Variants in FAM240B observed in about 807,000 individuals in gnomAD.
FAM240B encodes the protein family with sequence similarity 240 member B.
intron 1 of FAM240B, among the ~76,000 whole-genome samples, chr9:38,710,038 C>T (rs1040764061): frequency 2.0e-5 from 3 of 152,144 alleles, no homozygotes; most frequent in Non-Finnish European, 4.4e-5. Context: ...GGCTCGATCT[C>T]GGCTCACTGC....
In FAM240B at chr9:38,694,406, C is replaced by T. The variant is rs956853222; in HGVS notation, c.*370G>A. ...AAATTTTCATCAAGGTCATTGCCCT[C>T]GGTAAGCTTAGAGAAAACACTTCAA... On this transcript the variant is annotated 3_prime_UTR_variant, in exon 3 of 3. Transcript: ENST00000637493. The T allele has an allele frequency of 1.2e-5, 2 of 167,806 alleles. No individual in the cohort carries two copies. Among genetic ancestry groups the T allele is most frequent in the Admixed American group, 1.3e-4 (2 of 15,738 alleles). The allele number at this position is 167,806 out of a possible 1,614,324, so 10.4% of individuals were successfully genotyped here.
intron 1 of FAM240B, among the ~76,000 whole-genome samples, chr9:38,708,468 G>A (rs1297931618): frequency 6.6e-6 from 1 of 152,134 alleles, no homozygotes; most frequent in Non-Finnish European, 1.5e-5. Flanking sequence ...TCCTGCCTGC[G>A]AAACACAGCT....
intron 2 of FAM240B, among the ~76,000 whole-genome samples, chr9:38,696,553 C>A (rs1821070925): frequency 6.6e-6 from 1 of 152,114 alleles, no homozygotes; most frequent in Admixed American, 6.6e-5. Flanking sequence ...GCAGTACCGT[C>A]AAGACATTCA....
intron 2 of FAM240B, among the ~76,000 whole-genome samples, chr9:38,702,703 C>T (rs10973984): frequency 6.6e-6 from 1 of 152,028 alleles, no homozygotes; most frequent in Non-Finnish European, 1.5e-5. Context: ...AACAAGTTCA[C>T]TTGCCAGTGA....
chr9:38,713,731 C>T (rs1314448994), intron 1 of FAM240B, among the ~76,000 whole-genome samples: 1 of 152,044 alleles, frequency 6.6e-6, no homozygotes, highest in Non-Finnish European at 1.5e-5. Context: ...GTCAACTTCT[C>T]TCATGTGATT....
At chr9:38,717,307 G>A (rs572127309) in intron 1 of FAM240B, among the ~76,000 whole-genome samples, 4 of 152,220 alleles carry the variant, frequency 2.6e-5, no homozygotes, top group Non-Finnish European at 4.4e-5. Flanking sequence ...TTGGCCGGGC[G>A]CAGTGGCTCA....
At chr9:38,703,694 G>A (rs6476732) in intron 2 of FAM240B, among the ~76,000 whole-genome samples, 163 bp downstream of exon 2, 2 of 152,020 alleles carry the variant, frequency 1.3e-5, no homozygotes, top group Admixed American at 1.3e-4. Flanking sequence ...ATGAGACCTC[G>A]CATTTCCTCC....
chr9:38,702,576 G>T (rs963238355), intron 2 of FAM240B, among the ~76,000 whole-genome samples: 1 of 152,198 alleles, frequency 6.6e-6, no homozygotes, highest in Non-Finnish European at 1.5e-5. Context: ...CTGCTCCAAG[G>T]CATTTGACGT....
chr9:38,706,190 G>A (rs1347214089), intron 1 of FAM240B, among the ~76,000 whole-genome samples: 2 of 151,036 alleles, frequency 1.3e-5, no homozygotes, highest in Non-Finnish European at 1.5e-5. Flanking sequence ...TTTGAAATGT[G>A]TACACATTGT....
At chr9:38,709,675 A>G (rs568933561) in intron 1 of FAM240B, among the ~76,000 whole-genome samples, 1 of 152,338 alleles carries the variant, frequency 6.6e-6, no homozygotes, top group African/African-American at 2.4e-5. Context: ...GTAGGGTTTT[A>G]TTGTCACAGA....
At chr9:38,719,243 C>A (rs950295886) in intron 1 of FAM240B, among the ~76,000 whole-genome samples, 1 of 150,504 alleles carries the variant, frequency 6.6e-6, no homozygotes, top group African/African-American at 2.4e-5. Flanking sequence ...TCTCTGCATC[C>A]CCCCCCACCC....
chr9:38,694,569 G>A lies in FAM240B; in HGVS notation c.*207C>T, dbSNP rs529065809. ...AGCCCAAGCGTCCTATCCCACTTGC[G>A]GTCATCCTGTCCTCTGTGCGGAGGG... On this transcript the variant is annotated 3_prime_UTR_variant, in exon 3 of 3. Transcript: ENST00000637493. 5 of 386,890 alleles carry A rather than the reference G, an allele frequency of 1.3e-5. No individual in the cohort carries two copies. Among genetic ancestry groups the A allele is most frequent in the African/African-American group, 6.2e-5 (3 of 48,472 alleles). The allele number at this position is 386,890 out of a possible 1,614,324, so 24.0% of individuals were successfully genotyped here. A position where few individuals can be genotyped will look rare whatever the true frequency, so the allele number is the denominator to read the frequency against.
chr9:38,711,280 C>A (rs1821252854), intron 1 of FAM240B, among the ~76,000 whole-genome samples: 2 of 152,228 alleles, frequency 1.3e-5, no homozygotes, highest in Non-Finnish European at 1.5e-5. Context: ...GTTTGTTTAG[C>A]CCCCTCACAT....
chr9:38,705,131 T>C (rs2119004989), intron 1 of FAM240B, among the ~76,000 whole-genome samples: 1 of 152,374 alleles, frequency 6.6e-6, no homozygotes, highest in Non-Finnish European at 1.5e-5. Flanking sequence ...GATCCCTCCC[T>C]GCCTGCTGGC....
rs143503127 is a variant in FAM240B at position 38,707,485 on chromosome 9, T to G, written c.-3-3483A>C. Among the ~76,000 whole-genome samples the G allele has an allele frequency of 2.3e-3, 349 of 151,892 alleles. 1 individual carries two copies. The highest frequency in any genetic ancestry group is 7.9e-3 in the African/African-American group (328 of 41,422). On this transcript the variant is annotated intron_variant, in intron 1 of 2. Coordinates refer to ENST00000637493, the MANE Select transcript of FAM240B (RefSeq NM_001394922.1). ...GGAGTAAATTAATTCAGGGTGAACCTGGGCCAGACGTGGTGGCTCACACCT... is the reference window on the plus strand; with the variant it reads ...GGAGTAAATTAATTCAGGGTGAACCGGGGCCAGACGTGGTGGCTCACACCT...
intron 1 of FAM240B, among the ~76,000 whole-genome samples, chr9:38,708,652 G>A (rs895562498): frequency 2.0e-5 from 3 of 152,088 alleles, no homozygotes; most frequent in Admixed American, 1.3e-4. Context: ...ATACAGGAAA[G>A]TGCCCCCAAC....
At chr9:38,699,703 G>T (rs1045150351) in intron 2 of FAM240B, among the ~76,000 whole-genome samples, 3 of 152,144 alleles carry the variant, frequency 2.0e-5, no homozygotes, top group Admixed American at 6.5e-5. Context: ...GAAAGGGAGC[G>T]GCCGGCACTA....
Position 38,694,592 on chromosome 9 carries a change from G to A in FAM240B, c.*184C>T, listed in dbSNP as rs1270852858. ...GCGGTCATCCTGTCCTCTGTGCGGA[G>A]GGGATTGAGCAGGATAATAACTCCC... On this transcript the variant is annotated 3_prime_UTR_variant, in exon 3 of 3. Coordinates refer to ENST00000637493, the MANE Select transcript of FAM240B (RefSeq NM_001394922.1). The A allele has an allele frequency of 1.0e-5, 4 of 392,268 alleles. No homozygotes were observed. The highest frequency in any genetic ancestry group is 1.8e-5 in the Non-Finnish European group (4 of 222,684). 24.3% of individuals were successfully genotyped at this position (392,268 alleles called of 1,614,324 possible).
chr9:38,709,741 T>C (rs371035567), intron 1 of FAM240B, among the ~76,000 whole-genome samples: 42 of 152,244 alleles, frequency 2.8e-4, no homozygotes, highest in Non-Finnish European at 2.9e-5. Context: ...ACCTGAACCC[T>C]CCTAAGCCAC....
Sources: allele counts gnomAD v4.1 joint callset (sites outside exome capture counted in the v4.1 genomes callset), GRCh38; gene constraint gnomAD v4.1.1; transcripts MANE v1.5; gene names NCBI Gene and HGNC (gene_info 2026-07-23, HGNC 2026-07-21).